Variants in MYO9A observed in about 807,000 individuals in gnomAD.
The protein encoded by MYO9A is myosin IXA.
A neutral mutation model predicts 293.3 loss-of-function variants in MYO9A; 103 were observed. The ratio of observed to expected loss-of-function variants is 0.35; its 90% CI spans 0.30 to 0.41. MYO9A has a LOEUF of 0.41. Ranked by LOEUF, MYO9A falls within the 10% of genes least tolerant of loss-of-function variation. The probability of loss-of-function intolerance (pLI) is 1.00; values close to 1 mark genes in which losing one functional copy is unlikely to be tolerated. For missense variants in MYO9A, 2,685 were observed against 3,033.0 expected, an observed-to-expected ratio of 0.89 and a Z score of 2.69; for synonymous variants, 1,001 against 1,035.7, an observed-to-expected ratio of 0.97 and a Z score of 0.64.
intron 19 of MYO9A, among the ~76,000 whole-genome samples, chr15:71,906,361 T>C (rs983961863): frequency 1.3e-5 from 2 of 152,200 alleles, no homozygotes; most frequent in African/African-American, 4.8e-5. Flanking sequence ...GTCTTCCATA[T>C]CCTTCCTAAT....
chr15:71,984,390 A>T (rs1216180742), intron 11 of MYO9A, among the ~76,000 whole-genome samples: 1 of 152,160 alleles, frequency 6.6e-6, no homozygotes, highest in Non-Finnish European at 1.5e-5. Context: ...GGTTTAGTAT[A>T]ATTTTCTAGG....
chr15:71,873,199 G>A (rs2056574932), intron 32 of MYO9A, among the ~76,000 whole-genome samples: 1 of 152,052 alleles, frequency 6.6e-6, no homozygotes, highest in Admixed American at 6.5e-5. Flanking sequence ...GATTACAAGT[G>A]TGAACCACCG....
rs562865335 is a variant in MYO9A at position 71,956,078 on chromosome 15, G to A, written c.2182+3823C>T. ...GACACTCGGGGGGAGGCTGAGCAGC[G>A]AGGATCACTTAAGGCCAGGAGTTCA... On this transcript the variant is annotated intron_variant, in intron 14 of 41. Transcript: ENST00000356056. 6.6e-5 allele frequency among the ~76,000 whole-genome samples: 10 copies of A among 151,226 alleles called. No individual in the cohort carries two copies. In the East Asian group the frequency reaches 1.6e-3, roughly 24 times the overall value.
chr15:72,028,305 T>A (rs908144182), intron 3 of MYO9A, among the ~76,000 whole-genome samples: 8 of 149,340 alleles, frequency 5.4e-5, no homozygotes, highest in African/African-American at 2.0e-4. Flanking sequence ...CATGTTAAAT[T>A]CATATGGTCA....
chr15:72,038,818 T>C (rs888461317), intron 2 of MYO9A, among the ~76,000 whole-genome samples: 3 of 152,244 alleles, frequency 2.0e-5, no homozygotes, highest in African/African-American at 7.2e-5. Context: ...TAATCCCTTA[T>C]TGTTTTGACC....
chr15:72,112,881 A>C (rs2080831582), intron 1 of MYO9A, among the ~76,000 whole-genome samples: 2 of 152,170 alleles, frequency 1.3e-5, no homozygotes, highest in South Asian at 4.1e-4. Flanking sequence ...GTGAAAATTC[A>C]CTGAGCTATA....
intron 26 of MYO9A, among the ~76,000 whole-genome samples, chr15:71,889,182 A>G (rs1223114031): frequency 6.6e-6 from 1 of 152,174 alleles, no homozygotes; most frequent in Non-Finnish European, 1.5e-5. Context: ...GATCTACAGA[A>G]GGTCCACATT....
At chr15:72,067,599 A>C (rs1176503424) in intron 1 of MYO9A, among the ~76,000 whole-genome samples, 1 of 152,176 alleles carries the variant, frequency 6.6e-6, no homozygotes, top group East Asian at 1.9e-4. Flanking sequence ...TTATTTTTAA[A>C]ATATTACACT....
intron 16 of MYO9A, among the ~76,000 whole-genome samples, chr15:71,936,460 G>C (rs2058646162): frequency 6.6e-6 from 1 of 152,008 alleles, no homozygotes; most frequent in Non-Finnish European, 1.5e-5. Flanking sequence ...CCTGAAAACA[G>C]CTAGAAGACA....
intron 12 of MYO9A, among the ~76,000 whole-genome samples, chr15:71,972,880 G>A (rs1260893875): frequency 6.6e-6 from 1 of 152,124 alleles, no homozygotes; most frequent in Non-Finnish European, 1.5e-5. Flanking sequence ...GTGGAATTTA[G>A]AGATGGTTCC....
intron 4 of MYO9A, among the ~76,000 whole-genome samples, chr15:72,022,193 C>A (rs1016988865): frequency 5.3e-5 from 8 of 152,266 alleles, no homozygotes; most frequent in Admixed American, 2.0e-4. Context: ...GGAGAGGACT[C>A]ATTTCTAGAG....
intron 18 of MYO9A, among the ~76,000 whole-genome samples, chr15:71,920,262 G>A (rs2058122150): frequency 6.6e-6 from 1 of 152,104 alleles, no homozygotes; most frequent in Non-Finnish European, 1.5e-5. Context: ...GCAAGGTGCT[G>A]TAGGCAAAAA....
chr15:72,035,728 C>T (rs901573573), intron 2 of MYO9A, among the ~76,000 whole-genome samples: 2 of 152,128 alleles, frequency 1.3e-5, no homozygotes, highest in Non-Finnish European at 2.9e-5. Flanking sequence ...TCACTGAAGT[C>T]TAGAAGGTCG....
At chr15:71,905,733 A>C (rs991423226) in intron 19 of MYO9A, among the ~76,000 whole-genome samples, 15 of 127,132 alleles carry the variant, frequency 1.2e-4, no homozygotes, top group Non-Finnish European at 2.4e-4. Context: ...ACTGCACTCC[A>C]GCCTGCGCAA....
intron 1 of MYO9A, among the ~76,000 whole-genome samples, chr15:72,074,983 A>ATTTTTTTTT (rs2079305213): frequency 2.3e-5 from 1 of 43,662 alleles, no homozygotes; most frequent in African/African-American, 1.0e-4. Flanking sequence ...TTTTTTCTTG[A>ATTTTTTTTT]GACAGAGTTT....
chr15:72,000,577 T>A (rs1000853326), intron 8 of MYO9A, among the ~76,000 whole-genome samples: 1 of 152,260 alleles, frequency 6.6e-6, no homozygotes, highest in African/African-American at 2.4e-5. Flanking sequence ...ATGACTTTAA[T>A]GTTTATCTAT....
intron 9 of MYO9A, among the ~76,000 whole-genome samples, chr15:71,998,340 C>A (rs1023215084): frequency 6.6e-6 from 1 of 151,988 alleles, no homozygotes. Flanking sequence ...AAGTAACTAA[C>A]GGGTAGTAGG....
At chr15:72,085,383 G>C (rs1424808141) in intron 1 of MYO9A, among the ~76,000 whole-genome samples, 1 of 149,174 alleles carries the variant, frequency 6.7e-6, no homozygotes, top group East Asian at 1.9e-4. Context: ...CAGAGTGAGA[G>C]AGTCTGTCTC....
chr15:71,869,227 T>C (rs2056432697), intron 32 of MYO9A, among the ~76,000 whole-genome samples: 1 of 152,168 alleles, frequency 6.6e-6, no homozygotes, highest in Non-Finnish European at 1.5e-5. Context: ...GAAAATAGTA[T>C]CTTTGCTGAG....
Sources: allele counts gnomAD v4.1 joint callset (sites outside exome capture counted in the v4.1 genomes callset), GRCh38; gene constraint gnomAD v4.1.1; transcripts MANE v1.5; gene names NCBI Gene and HGNC (gene_info 2026-07-23, HGNC 2026-07-21).